Variants in PAK5 observed in about 807,000 individuals in gnomAD.
PAK5 encodes the protein p21 (RAC1) activated kinase 5, also known as serine/threonine-protein kinase PAK 5.
A neutral mutation model predicts 65.9 loss-of-function variants in PAK5; 16 were observed. That is an observed-to-expected ratio of 0.24 (90% CI 0.16 to 0.37). The LOEUF (loss-of-function observed/expected upper bound fraction) is 0.37. Ranked by LOEUF, PAK5 falls within the 10% of genes least tolerant of loss-of-function variation. PAK5 has a pLI of 1.00. For synonymous variants in PAK5, 371 were observed against 354.9 expected (o/e 1.05, Z -0.51); for missense variants, 785 against 903.9 (o/e 0.87, Z 1.69).
At chr20:9,592,091 AT>A (rs1233813728) in intron 3 of PAK5, among the ~76,000 whole-genome samples, 1 of 152,240 alleles carries the variant, frequency 6.6e-6, no homozygotes, top group African/African-American at 2.4e-5. Context: ...CAAGTCTTCC[AT>A]ATGTCTCAAA....
chr20:9,762,814 C>T (rs2123651940), intron 1 of PAK5, among the ~76,000 whole-genome samples: 2 of 152,196 alleles, frequency 1.3e-5, no homozygotes, highest in Admixed American at 1.3e-4. Flanking sequence ...CACTTGTGCT[C>T]CCTTGTTCAC....
At chr20:9,651,027 G>T (rs906792230) in intron 2 of PAK5, among the ~76,000 whole-genome samples, 5 of 152,210 alleles carry the variant, frequency 3.3e-5, no homozygotes, top group African/African-American at 1.2e-4. Flanking sequence ...AACGGCAAAA[G>T]AATTTTATCA....
At chr20:9,615,575 A>T (rs2046640141) in intron 3 of PAK5, among the ~76,000 whole-genome samples, 1 of 152,242 alleles carries the variant, frequency 6.6e-6, no homozygotes, top group African/African-American at 2.4e-5. Flanking sequence ...TCGAATCTTG[A>T]CTTAGAATAA....
intron 1 of PAK5, among the ~76,000 whole-genome samples, chr20:9,754,730 A>G (rs945128598): frequency 2.0e-5 from 3 of 152,214 alleles, no homozygotes; most frequent in African/African-American, 7.2e-5. Flanking sequence ...TTTCAAAGTT[A>G]GACTATAAAC....
intron 1 of PAK5, among the ~76,000 whole-genome samples, chr20:9,813,967 G>A (rs2049327264): frequency 6.6e-6 from 1 of 152,156 alleles, no homozygotes; most frequent in Admixed American, 6.5e-5. Context: ...GAACCCATAT[G>A]ATAGGATAGA....
intron 1 of PAK5, among the ~76,000 whole-genome samples, chr20:9,778,940 A>G (rs1316562994): frequency 1.3e-5 from 2 of 152,044 alleles, no homozygotes; most frequent in African/African-American, 4.8e-5. Flanking sequence ...CCTACACGTA[A>G]TCTTTCTTCT....
chr20:9,640,476 G>A (rs2047040879), intron 3 of PAK5, among the ~76,000 whole-genome samples: 1 of 152,038 alleles, frequency 6.6e-6, no homozygotes, highest in Admixed American at 6.5e-5. Flanking sequence ...GGACATTTGG[G>A]TTGGTTTCAA....
chr20:9,723,372 A>G (rs1255124817), intron 1 of PAK5, among the ~76,000 whole-genome samples: 1 of 152,166 alleles, frequency 6.6e-6, no homozygotes, highest in Non-Finnish European at 1.5e-5. Context: ...CAAGATGGAT[A>G]GGAGTTCTAT....
intron 1 of PAK5, among the ~76,000 whole-genome samples, chr20:9,834,534 G>A (rs1404925966): frequency 6.6e-6 from 1 of 152,048 alleles, no homozygotes; most frequent in African/African-American, 2.4e-5. Flanking sequence ...CCTAGATATG[G>A]TGAGAAAGCA....
intron 1 of PAK5, among the ~76,000 whole-genome samples, chr20:9,806,218 G>A (rs1254194071): frequency 6.6e-6 from 1 of 151,932 alleles, no homozygotes; most frequent in Non-Finnish European, 1.5e-5. Context: ...CGAACTCCTG[G>A]CCTCAAGTGA....
At chr20:9,826,991 C>A (rs183325491) in intron 1 of PAK5, among the ~76,000 whole-genome samples, 19 of 152,300 alleles carry the variant, frequency 1.2e-4, no homozygotes, top group African/African-American at 4.6e-4. Flanking sequence ...TCACCACTTT[C>A]TCTCTTTTCC....
chr20:9,682,292 G>A lies in PAK5; in HGVS notation c.-12+28994C>T, dbSNP rs537799710. ...GAATGGTATGAACTAGGGAGGCAGA[G>A]CTTGCAGTGAGCCAAGATCATGCCA... is the stretch of plus-strand genomic sequence containing the variant. On this transcript the variant is annotated intron_variant, in intron 2 of 9. Transcript: ENST00000353224. 2.9e-3 allele frequency among the ~76,000 whole-genome samples: 448 copies of A among 152,264 alleles called. 2 individuals carry two copies. The highest frequency in any genetic ancestry group is 0.01 in the African/African-American group (431 of 41,542).
intron 1 of PAK5, among the ~76,000 whole-genome samples, chr20:9,771,120 G>A (rs6141032): frequency 0.38 from 57,375 of 151,614 alleles, 11,151 homozygotes; most frequent in East Asian, 0.5. Context: ...TTGTGGGAAA[G>A]CTCCTATAAT....
At chr20:9,837,515 T>C (rs1389167619) in intron 1 of PAK5, among the ~76,000 whole-genome samples, 1 of 152,214 alleles carries the variant, frequency 6.6e-6, no homozygotes, top group African/African-American at 2.4e-5. Context: ...CAAGATTGAG[T>C]TGTTGTGCTG....
chr20:9,640,560 C>T (rs1415365288), intron 3 of PAK5, among the ~76,000 whole-genome samples: 1 of 152,080 alleles, frequency 6.6e-6, no homozygotes, highest in East Asian at 1.9e-4. Flanking sequence ...GTTTTATAAT[C>T]CTTTTGTGTC....
At chr20:9,760,606 T>C (rs1435710098) in intron 1 of PAK5, among the ~76,000 whole-genome samples, 2 of 151,790 alleles carry the variant, frequency 1.3e-5, no homozygotes, top group East Asian at 3.9e-4. Flanking sequence ...ATATTTGAGT[T>C]TAGCTTCTTT....
At chr20:9,750,545 T>C (rs6108334) in intron 1 of PAK5, among the ~76,000 whole-genome samples, 49,005 of 152,028 alleles carry the variant, frequency 0.32, 10,155 homozygotes, top group East Asian at 0.81. Context: ...TAGCATTTTC[T>C]GTTGGAGTGA....
intron 1 of PAK5, among the ~76,000 whole-genome samples, chr20:9,745,842 T>C (rs2048501154): frequency 6.6e-6 from 1 of 151,008 alleles, no homozygotes; most frequent in Non-Finnish European, 1.5e-5. Flanking sequence ...AAAAATGAGA[T>C]AATAAAAGAA....
intron 1 of PAK5, among the ~76,000 whole-genome samples, chr20:9,760,548 A>G (rs1393273381): frequency 3.3e-5 from 5 of 151,470 alleles, no homozygotes; most frequent in Non-Finnish European, 7.4e-5. Flanking sequence ...GAAGTTCTCA[A>G]CAGAGAATTT....
Sources: gnomAD v4.1 joint callset for allele counts (sites outside exome capture counted in the v4.1 genomes callset) on GRCh38, gnomAD v4.1.1 for gene constraint, MANE v1.5 for transcripts, NCBI Gene and HGNC (gene_info 2026-07-23, HGNC 2026-07-21) for gene names.